GPATCH8: variants seen among roughly 807,000 people sequenced by gnomAD.
GPATCH8 encodes G-patch domain containing 8.
Under a neutral mutation model 118.3 loss-of-function variants are expected in GPATCH8, and 18 were observed. The observed-to-expected ratio is 0.15, with a 90% CI of 0.11 to 0.23. The LOEUF is 0.23. Ranked by LOEUF, GPATCH8 falls within the 10% of genes least tolerant of loss-of-function variation. The pLI is 1.00. For synonymous variants in GPATCH8, 659 were observed against 684.7 expected, an observed-to-expected ratio of 0.96 and a Z score of 0.59; for missense variants, 1,631 against 1,873.8, an observed-to-expected ratio of 0.87 and a Z score of 2.39.
Position 44,402,028 on chromosome 17 carries a change from A to T in GPATCH8, c.624-575T>A, listed in dbSNP as rs545676403. ...CAAAAAAATTAAAAAAAAAAATAAA[A>T]AATAAAGTACAGGCCGGGCGCAGTG... is the stretch of plus-strand genomic sequence containing the variant. On this transcript the variant is annotated intron_variant, in intron 7 of 7. Coordinates refer to ENST00000591680, the MANE Select transcript of GPATCH8 (RefSeq NM_001002909.4). Among the ~76,000 whole-genome samples, 605 of 148,826 alleles carry T rather than the reference A, an allele frequency of 4.1e-3. 6 individuals carry two copies. The highest frequency in any genetic ancestry group is 0.011 in the African/African-American group (459 of 40,446).
chr17:44,422,725 G>A (rs188468409), intron 6 of GPATCH8, among the ~76,000 whole-genome samples: 188 of 151,072 alleles, frequency 1.2e-3, no homozygotes, highest in African/African-American at 4.4e-3. Flanking sequence ...TGATCCGCCC[G>A]CCTCGGCCTC....
chr17:44,406,350 A>T (rs2049220485), intron 6 of GPATCH8, among the ~76,000 whole-genome samples: 1 of 152,038 alleles, frequency 6.6e-6, no homozygotes, highest in African/African-American at 2.4e-5. Context: ...GGACTATTTA[A>T]TCACCTGCTC....
chr17:44,467,594 A>T lies in GPATCH8; in HGVS notation c.121-3050T>A, dbSNP rs149234436. Among the ~76,000 whole-genome samples, 91 of 152,262 alleles carry T rather than the reference A, an allele frequency of 6.0e-4. No individual in the cohort carries two copies. The East Asian group carries it at 0.013, about 22-fold the overall frequency. ...AGAAACAATAGACACATCTCCCAGA[A>T]TCTCTCCTCCCCTCACCAACCTCCT... On this transcript the variant is annotated intron_variant, in intron 2 of 7. Coordinates refer to ENST00000591680, the MANE Select transcript of GPATCH8 (RefSeq NM_001002909.4).
intron 1 of GPATCH8, among the ~76,000 whole-genome samples, chr17:44,495,803 T>C (rs1010626657): frequency 1.3e-5 from 2 of 152,194 alleles, no homozygotes; most frequent in Non-Finnish European, 2.9e-5. Flanking sequence ...GCTCTATTCA[T>C]AGCAACAAGG....
chr17:44,442,118 TATATAGAGAGAG>T (rs1254318349), intron 3 of GPATCH8, among the ~76,000 whole-genome samples: 1 of 140,912 alleles, frequency 7.1e-6, no homozygotes, highest in African/African-American at 2.7e-5. Context: ...CATATATATA[TATATAGAGAGAG>T]AGAGAGAGAG....
rs777095582 is a variant in GPATCH8, at chr17:44,397,864, C to T, written c.4213G>A (p.Val1405Met). 3 of 1,607,762 alleles carry T rather than the reference C, an allele frequency of 1.9e-6. No individual in the cohort carries two copies. Among genetic ancestry groups the T allele is most frequent in the African/African-American group, 1.3e-5 (1 of 74,836 alleles). ...PHPHPQPLAQ[V>M]HHIPQPHLTP... Reference sequence around the variant, plus strand: ...AGATGGGGCTGGGGAATATGATGCACCTGGGCAAGTGGTTGGGGATGGGGG... The same window carrying T: ...AGATGGGGCTGGGGAATATGATGCATCTGGGCAAGTGGTTGGGGATGGGGG... The change falls in exon 8 of 8, where the codon GTG (valine) becomes ATG (methionine). Residue 1405 changes from valine (V) to methionine (M), a missense_variant. By Grantham distance (21) the Val-to-Met change is conservative. This residue lies in a region of GPATCH8 where 111 missense variants were observed against 112.4 expected (regional missense o/e 0.99). Coordinates refer to ENST00000591680, the MANE Select transcript of GPATCH8 (RefSeq NM_001002909.4).
chr17:44,406,464 G>GT (rs1220051274), intron 6 of GPATCH8, among the ~76,000 whole-genome samples: 1 of 110,766 alleles, frequency 9.0e-6, no homozygotes, highest in African/African-American at 3.5e-5. Context: ...TTACCCAGGT[G>GT]TAAGATCTTG....
intron 3 of GPATCH8, among the ~76,000 whole-genome samples, chr17:44,461,862 TG>T (rs11347764): frequency 0.5 from 75,159 of 150,040 alleles, 20,384 homozygotes; most frequent in Middle Eastern, 0.62. Context: ...AACTAATTTT[TG>T]GGGGGTGGGG....
At chr17:44,492,325 C>T (rs1460142665) in intron 1 of GPATCH8, among the ~76,000 whole-genome samples, 3 of 138,450 alleles carry the variant, frequency 2.2e-5, no homozygotes, top group Non-Finnish European at 4.6e-5. Context: ...CGCCCGTAAC[C>T]CCAGCACTTT....
chr17:44,403,325 G>A (rs745469921), intron 7 of GPATCH8, among the ~76,000 whole-genome samples: 3 of 151,798 alleles, frequency 2.0e-5, no homozygotes, highest in African/African-American at 4.8e-5. Context: ...CACCTGCCTC[G>A]GCCTCCCAAA....
At chr17:44,424,281 C>T (rs1198944679) in intron 6 of GPATCH8, 68 bp downstream of exon 6, 6 of 1,084,430 alleles carry the variant, frequency 5.5e-6, no homozygotes, top group Non-Finnish European at 8.6e-6. Flanking sequence ...GGGGGGTATA[C>T]TCATAAAATC....
intron 6 of GPATCH8, 100 bp from the exon 7 acceptor site, chr17:44,406,151 T>C (rs1246875560): frequency 1.0e-5 from 9 of 860,114 alleles, no homozygotes; most frequent in Non-Finnish European, 1.8e-5. Flanking sequence ...CCAACAGTCA[T>C]GGTATTAGTG....
chr17:44,433,114 C>T (rs938476560), intron 5 of GPATCH8, among the ~76,000 whole-genome samples: 3 of 152,064 alleles, frequency 2.0e-5, no homozygotes, highest in African/African-American at 7.2e-5. Context: ...CCGTGATCCA[C>T]CGCACCCAGC....
At chr17:44,479,942 G>A (rs922280389) in intron 1 of GPATCH8, among the ~76,000 whole-genome samples, 5 of 150,070 alleles carry the variant, frequency 3.3e-5, no homozygotes, top group African/African-American at 1.2e-4. Context: ...ACTCCAGCTT[G>A]GCGACAGAGC....
At chr17:44,417,228 C>A (rs954590543) in intron 6 of GPATCH8, among the ~76,000 whole-genome samples, 46 of 152,130 alleles carry the variant, frequency 3.0e-4, no homozygotes, top group African/African-American at 9.9e-4. Flanking sequence ...AGTAAGTAAT[C>A]TTGTCAAAAA....
intron 6 of GPATCH8, among the ~76,000 whole-genome samples, chr17:44,420,938 C>A (rs1413642180): frequency 6.6e-6 from 1 of 151,716 alleles, no homozygotes; most frequent in Non-Finnish European, 1.5e-5. Context: ...TGGCTCACTG[C>A]AACCTCCACC....
intron 3 of GPATCH8, among the ~76,000 whole-genome samples, chr17:44,462,446 A>G (rs1040556826): frequency 1.3e-5 from 2 of 152,164 alleles, no homozygotes; most frequent in Non-Finnish European, 2.9e-5. Context: ...GGGCTCTTAC[A>G]AAATCTGTGG....
At chr17:44,417,033 T>A (rs1002258990) in intron 6 of GPATCH8, among the ~76,000 whole-genome samples, 7 of 145,820 alleles carry the variant, frequency 4.8e-5, no homozygotes, top group African/African-American at 1.7e-4. Context: ...GTTAAAGGAA[T>A]TTTTTTTTTT....
In GPATCH8 at chr17:44,400,048, T is replaced by C; in HGVS notation, c.2029A>G (p.Lys677Glu). 1 of 1,614,108 alleles carries C rather than the reference T, an allele frequency of 6.2e-7. No homozygotes were observed. The highest frequency in any genetic ancestry group is 1.1e-5 in the South Asian group (1 of 91,078). ...CTGGATTTTTTGTGCTTCTTTTTCT[T>C]TTTGTGCCGGTGGGACTTCCCAGAT... The part of the protein sequence containing the change: ...ERSGKSHRHK[K>E]KKKHKKSSKH... Residue 677 changes from lysine (K) to glutamate (E), a missense_variant, in exon 8 of 8, where the codon AAG becomes GAG. Coordinates refer to ENST00000591680, the MANE Select transcript of GPATCH8 (RefSeq NM_001002909.4).
Sources: allele counts gnomAD v4.1 joint callset (sites outside exome capture counted in the v4.1 genomes callset), GRCh38; gene constraint gnomAD v4.1.1; regional missense constraint gnomAD v4.1.1; transcripts MANE v1.5; gene names NCBI Gene and HGNC (gene_info 2026-07-23, HGNC 2026-07-21).